The following GPM6B variants were observed in gnomAD, a reference collection of about 807,000 sequenced individuals.
The protein encoded by GPM6B is neuronal membrane glycoprotein M6-b.
GPM6B carries 4 observed loss-of-function variants against 27.2 expected under a neutral mutation model. The observed-to-expected ratio is 0.15, with a 90% CI of 0.07 to 0.34. The LOEUF is 0.34. Among genes scored for constraint, GPM6B ranks in the 10% least tolerant of loss-of-function variants. The probability of loss-of-function intolerance (pLI) is 1.00; values close to 1 mark genes in which losing one functional copy is unlikely to be tolerated. For missense variants in GPM6B, 183 were observed against 261.9 expected, an observed-to-expected ratio of 0.70 and a Z score of 2.08; for synonymous variants, 124 against 103.1, an observed-to-expected ratio of 1.20 and a Z score of -1.23.
intron 2 of GPM6B, among the ~76,000 whole-genome samples, chrX:13,795,467 C>A (rs2048792459): frequency 9.0e-6 from 1 of 111,584 alleles, no homozygotes; most frequent in Admixed American, 9.5e-5. Flanking sequence ...TTTGAGTTTT[C>A]TTCATATACT....
intron 1 of GPM6B, among the ~76,000 whole-genome samples, chrX:13,894,147 C>T (rs1173193732): frequency 8.9e-6 from 1 of 111,800 alleles, no homozygotes; most frequent in African/African-American, 3.3e-5. Flanking sequence ...CAACACTCAC[C>T]GTTTCCACAT....
At chrX:13,810,369 C>G (rs1418351044) in intron 1 of GPM6B, among the ~76,000 whole-genome samples, 1 of 111,828 alleles carries the variant, frequency 8.9e-6, no homozygotes, top group Non-Finnish European at 1.9e-5. Flanking sequence ...CACTTTTGAT[C>G]TGGAAATTTT....
intron 1 of GPM6B, among the ~76,000 whole-genome samples, chrX:13,881,467 G>A (rs1025576438): frequency 1.4e-4 from 15 of 108,667 alleles, no homozygotes; most frequent in Admixed American, 3.9e-4. Flanking sequence ...AGCCATGATT[G>A]CATCACTGCA....
At chrX:13,779,698 A>T in intron 5 of GPM6B, 120 bp downstream of exon 5, 1 of 576,333 alleles carries the variant, frequency 1.7e-6, no homozygotes, top group Middle Eastern at 6.1e-4. Context: ...AAATTACTCT[A>T]ATAGAAGGGA....
At chrX:13,879,860 T>C (rs765292601) in intron 1 of GPM6B, among the ~76,000 whole-genome samples, 2 of 111,790 alleles carry the variant, frequency 1.8e-5, no homozygotes, top group African/African-American at 6.5e-5. Flanking sequence ...ACCTGAGGAT[T>C]TGCATTTCTA....
intron 1 of GPM6B, among the ~76,000 whole-genome samples, chrX:13,924,240 C>A (rs774420009): frequency 3.6e-4 from 41 of 112,375 alleles, no homozygotes; most frequent in Non-Finnish European, 6.2e-4. Flanking sequence ...CCTTCTATTA[C>A]AAGCTTAGCA....
rs1181872057 is a variant in GPM6B, at chrX:13,896,362, G to A, written c.-198+41965C>T. ...GAAAGGTGTCACCCCAAGTTGAAGG[G>A]TTACTGGTGTGAAATCATATCCTGC... On this transcript the variant is annotated intron_variant, in intron 1 of 6. Transcript: ENST00000398361. Among the ~76,000 whole-genome samples, 5 of 108,036 alleles carry A rather than the reference G, an allele frequency of 4.6e-5. No individual in the cohort carries two copies. The South Asian group carries it at 1.7e-3, about 37-fold the overall frequency. 93.8% of individuals were successfully genotyped at this position (108,036 alleles called of 115,157 possible). A position where few individuals can be genotyped will look rare whatever the true frequency, so the allele number is the denominator to read the frequency against.
chrX:13,812,852 G>A (rs1163060858), intron 1 of GPM6B: 1 of 107,577 alleles, frequency 9.3e-6, no homozygotes, highest in East Asian at 2.9e-4. Context: ...AATTAATAAT[G>A]TAAAAGTAGA....
intron 1 of GPM6B, among the ~76,000 whole-genome samples, chrX:13,928,301 T>C (rs984166325): frequency 4.4e-5 from 5 of 112,609 alleles, no homozygotes; most frequent in Non-Finnish European, 9.4e-5. Flanking sequence ...TGTACACTTA[T>C]GATTTGCCCA....
intron 6 of GPM6B, among the ~76,000 whole-genome samples, chrX:13,776,998 CTACTTTGAAAATCTTTCAA>C (rs1421426104): frequency 9.8e-6 from 1 of 102,179 alleles, no homozygotes; most frequent in East Asian, 3.2e-4. Context: ...GACAGGTGTT[CTACTTTGAAAATCTTTCAA>C]AGTAGAAAGA....
At chrX:13,869,474 C>G (rs971463956) in intron 1 of GPM6B, among the ~76,000 whole-genome samples, 1 of 109,451 alleles carries the variant, frequency 9.1e-6, no homozygotes, top group African/African-American at 3.3e-5. Context: ...ATGGGTGAAC[C>G]GTATGGTATG....
At chrX:13,778,204 A>G (rs780605534) in intron 5 of GPM6B, among the ~76,000 whole-genome samples, 1 of 110,358 alleles carries the variant, frequency 9.1e-6, no homozygotes, top group Non-Finnish European at 1.9e-5. Context: ...GCCTGCCGCC[A>G]TGCCCAGCTA....
chrX:13,787,173 G>A (rs762625773), intron 2 of GPM6B, among the ~76,000 whole-genome samples: 154 of 108,656 alleles, frequency 1.4e-3, no homozygotes, highest in Middle Eastern at 0.01. Context: ...ACTAGCATTC[G>A]CTTAAACCTA....
intron 1 of GPM6B, among the ~76,000 whole-genome samples, chrX:13,810,396 T>A (rs1214509860): frequency 8.9e-6 from 1 of 111,922 alleles, no homozygotes; most frequent in Non-Finnish European, 1.9e-5. Flanking sequence ...TTTAAAAAAT[T>A]TGTCTCTACA....
intron 1 of GPM6B, among the ~76,000 whole-genome samples, chrX:13,884,924 C>T (rs1275104514): frequency 8.9e-6 from 1 of 111,968 alleles, no homozygotes; most frequent in African/African-American, 3.2e-5. Context: ...TCAAATGACA[C>T]GACCCAACAG....
At chrX:13,877,824 CAAAAAAAAAAAAAAA>C (rs761891419) in intron 1 of GPM6B, among the ~76,000 whole-genome samples, 1 of 27,466 alleles carries the variant, frequency 3.6e-5, no homozygotes, top group African/African-American at 1.8e-4. Flanking sequence ...CAGACTCTGC[CAAAAAAAAAAAAAAA>C]AAAAAAAAAA....
At chrX:13,866,921 C>T (rs963631800) in intron 1 of GPM6B, among the ~76,000 whole-genome samples, 8 of 111,679 alleles carry the variant, frequency 7.2e-5, no homozygotes, top group Non-Finnish European at 1.5e-4. Context: ...CTTCAAAAAC[C>T]ACAGATTGGT....
chrX:13,883,824 G>C (rs993950633), intron 1 of GPM6B, among the ~76,000 whole-genome samples: 2 of 110,070 alleles, frequency 1.8e-5, no homozygotes, highest in Non-Finnish European at 3.8e-5. Flanking sequence ...TTCCAGCCTG[G>C]GCGATAGCGT....
At chrX:13,899,497 A>G (rs929320693) in intron 1 of GPM6B, among the ~76,000 whole-genome samples, 12 of 110,478 alleles carry the variant, frequency 1.1e-4, no homozygotes, top group African/African-American at 4.0e-4. Context: ...GGGGTGATAA[A>G]AAATTAAAAG....
Sources: allele counts gnomAD v4.1 joint callset (sites outside exome capture counted in the v4.1 genomes callset), GRCh38; gene constraint gnomAD v4.1.1; transcripts MANE v1.5; gene names NCBI Gene and HGNC (gene_info 2026-07-23, HGNC 2026-07-21).